Variants in KRT6A observed in about 807,000 individuals in gnomAD.
KRT6A encodes keratin 6A.
In KRT6A, 28 loss-of-function variants were observed where a neutral mutation model predicts 48.6. The ratio of observed to expected loss-of-function variants is 0.58; its 90% CI spans 0.43 to 0.79. The LOEUF (loss-of-function observed/expected upper bound fraction) is 0.79. Ranked by LOEUF, KRT6A falls within the 30% of genes least tolerant of loss-of-function variation. The pLI is 0.00. For missense variants in KRT6A, 687 were observed against 724.3 expected, an observed-to-expected ratio of 0.95 and a Z score of 0.59; for synonymous variants, 301 against 294.2, an observed-to-expected ratio of 1.02 and a Z score of -0.24.
Position 52,489,802 on chromosome 12 carries a change from G to A in KRT6A, c.1203+141C>T, listed in dbSNP as rs994678020. The A allele has an allele frequency of 2.9e-5, 39 of 1,363,006 alleles. No individual in the cohort carries two copies. The African/African-American group carries it at 4.6e-4, about 16-fold the overall frequency. 84.4% of individuals were successfully genotyped at this position (1,363,006 alleles called of 1,614,324 possible). On this transcript the variant is annotated intron_variant, in intron 6 of 8. Transcript: ENST00000330722. The stretch of plus-strand genomic sequence containing the variant: ...AGGATCTATGTCTCCTAAGCAGCAG[G>A]TACCCACTAAGGGTAGGAAATGATA...
rs1432797796 is a variant in KRT6A at position 52,491,181 on chromosome 12, A to G, written c.756-9T>C. On this transcript the variant is annotated splice_polypyrimidine_tract_variant and intron_variant, in intron 2 of 8. Coordinates refer to ENST00000330722, the MANE Select transcript of KRT6A (RefSeq NM_005554.4). ...TGATTTCATCCTCATATCTACAGGA[A>G]GAAAGGCATGGGACACATTTGAGCC... 1 of 1,613,866 alleles carries G rather than the reference A, an allele frequency of 6.2e-7. No homozygotes were observed. The highest frequency in any genetic ancestry group is 8.5e-7 in the Non-Finnish European group (1 of 1,179,870).
In KRT6A at chr12:52,489,961, G is replaced by T. The variant is rs755953809; in HGVS notation, c.1185C>A (p.Ile395=). Residue 395 remains isoleucine (I), a synonymous_variant, in exon 6 of 9, where the codon ATC becomes ATA. Coordinates refer to ENST00000330722, the MANE Select transcript of KRT6A (RefSeq NM_005554.4). ...ACCATACCTGCTTCTTGACGTGGTC[G>T]ATCTCAGATCTCAGCCTCTGGATCA... ...NRMIQRLRSE[I]DHVKKQCANL... 6.2e-7 allele frequency: 1 copy of T among 1,613,828 alleles called. No individual in the cohort carries two copies. Among genetic ancestry groups the T allele is most frequent in the Non-Finnish European group, 8.5e-7 (1 of 1,180,018 alleles).
At chr12:52,491,013 T>G in intron 3 of KRT6A, 60 bp from the exon 4 acceptor site, 1 of 1,613,862 alleles carries the variant, frequency 6.2e-7, no homozygotes, top group Admixed American at 1.7e-5. Context: ...CTACCCATCT[T>G]CTAGTCTCCA....
Position 52,488,298 on chromosome 12 carries a change from C to T in KRT6A, c.1424+30G>A, listed in dbSNP as rs377071203. ...CCAGGAACCTTGAAGATGGACTCAG[C>T]TGTTGAAGGAGTTCGTGTCAGTTAC... On this transcript the variant is annotated intron_variant, in intron 7 of 8. Transcript: ENST00000330722. 8.1e-6 allele frequency: 13 copies of T among 1,614,052 alleles called. No homozygotes were observed. The African/African-American group carries it at 1.2e-4, about 15-fold the overall frequency.
At position 52,487,607 on chromosome 12, in the gene KRT6A, C is replaced by G; in HGVS notation, c.*113G>C. ...CACTAAGCATCCATACCCAGCTCTACCTGGGACAGCAGGGGAGACTGGAGG... is the reference window on the plus strand; with the variant it reads ...CACTAAGCATCCATACCCAGCTCTAGCTGGGACAGCAGGGGAGACTGGAGG... On this transcript the variant is annotated 3_prime_UTR_variant, in exon 9 of 9. Transcript: ENST00000330722. The G allele has an allele frequency of 7.4e-7, 1 of 1,349,114 alleles. No individual in the cohort carries two copies. The highest frequency in any genetic ancestry group is 1.0e-6 in the Non-Finnish European group (1 of 956,778). The allele number at this position is 1,349,114 out of a possible 1,614,324, so 83.6% of individuals were successfully genotyped here.
chr12:52,493,246 A>T lies in KRT6A; in HGVS notation c.-58T>A. The T allele has an allele frequency of 6.2e-7, 1 of 1,612,388 alleles. No homozygotes were observed. On this transcript the variant is annotated 5_prime_UTR_variant, in exon 1 of 9. Coordinates refer to ENST00000330722, the MANE Select transcript of KRT6A (RefSeq NM_005554.4). ...TGAGAGGCTGGAGGAGAGAGGGAAG[A>T]GAAGCAGGACTAGGAATCAGGCTCG...
chr12:52,490,222 C>G, intron 5 of KRT6A, 154 bp from the exon 6 acceptor site: 1 of 1,445,146 alleles, frequency 6.9e-7, no homozygotes, highest in Non-Finnish European at 9.6e-7. Flanking sequence ...TTGGTGGATA[C>G]TAAACACTGG....
chr12:52,488,164 G>A (rs1361421103), intron 7 of KRT6A, 61 bp from the exon 8 acceptor site: 13 of 1,613,940 alleles, frequency 8.1e-6, no homozygotes, highest in Admixed American at 6.7e-5. Context: ...CTGGACCAGC[G>A]TGGGCAGCCT....
chr12:52,490,658 G>A lies in KRT6A; in HGVS notation c.988C>T (p.Leu330=). The A allele has an allele frequency of 6.2e-7, 1 of 1,614,200 alleles. No homozygotes were observed. The highest frequency in any genetic ancestry group is 8.5e-7 in the Non-Finnish European group (1 of 1,180,038). The change falls in exon 5 of 9, where the codon CTG becomes TTG. Residue 330 remains leucine, a synonymous_variant. Transcript: ENST00000330722. ...LSMDNNRNLD[L]DSIIAEVKAQ... ...TTGACCTCAGCGATGATGCTGTCCA[G>A]GTCCAGGTTGCGGTTGTTGTCCATG...
intron 1 of KRT6A, 150 bp downstream of exon 1, chr12:52,492,499 G>A (rs1429849358): frequency 1.0e-4 from 147 of 1,400,594 alleles, no homozygotes; most frequent in East Asian, 2.3e-5. Context: ...CATCCCTGCT[G>A]CTTGCTGGGC....
chr12:52,492,390 C>T (rs894283045), intron 1 of KRT6A, among the ~76,000 whole-genome samples: 1 of 152,222 alleles, frequency 6.6e-6, no homozygotes, highest in Non-Finnish European at 1.5e-5. Context: ...CTACTCCATT[C>T]TCTGATGGCC....
chr12:52,488,356 G>A lies in KRT6A; in HGVS notation c.1396C>T (p.Arg466Cys), dbSNP rs778445643. The A allele has an allele frequency of 1.5e-5, 25 of 1,614,038 alleles. No individual in the cohort carries two copies. Among genetic ancestry groups the A allele is most frequent in the South Asian group, 4.4e-5 (4 of 91,074 alleles). The part of the protein sequence containing the change: ...LALDVEIATY[R>C]KLLEGEECRL... ...CACTCCTCACCCTCCAGCAGCTTGC[G>A]GTAGGTGGCGATCTCCACGTCCAGG... Residue 466 changes from arginine to cysteine, a missense_variant, in exon 7 of 9, where the codon CGC (arginine) becomes TGC (cysteine). This residue lies in a region of KRT6A where 566 missense variants were observed against 565.3 expected (regional missense o/e 1.00). Transcript: ENST00000330722.
rs1317457410 is a variant in KRT6A, at chr12:52,493,257, T to G, written c.-69A>C. On this transcript the variant is annotated 5_prime_UTR_variant, in exon 1 of 9. Coordinates refer to ENST00000330722, the MANE Select transcript of KRT6A (RefSeq NM_005554.4). ...AGGAGAGAGGGAAGAGAAGCAGGAC[T>G]AGGAATCAGGCTCGGGGCAGCAGCT... The G allele has an allele frequency of 1.2e-6, 2 of 1,609,446 alleles. No homozygotes were observed. Among genetic ancestry groups the G allele is most frequent in the African/African-American group, 1.3e-5 (1 of 74,956 alleles).
chr12:52,491,444 C>G, intron 2 of KRT6A, 78 bp downstream of exon 2: 1 of 1,551,558 alleles, frequency 6.4e-7, no homozygotes, highest in South Asian at 1.1e-5. Flanking sequence ...GAATATTACC[C>G]CCTTCTGGCC....
At chr12:52,491,887 C>G in intron 1 of KRT6A, 151 bp from the exon 2 acceptor site, 2 of 1,022,038 alleles carry the variant, frequency 2.0e-6, no homozygotes, top group Non-Finnish European at 3.0e-6. Flanking sequence ...GCTCCCCCAA[C>G]CCCTTCTCCT....
Position 52,487,524 on chromosome 12 carries a change from A to G in KRT6A, c.*196T>C, listed in dbSNP as rs1171123738. ...CATCATGATGTAAAATCAGAGGTTG[A>G]TCTGATGGTGAGCAATGGGTGCTCA... is the stretch of plus-strand genomic sequence containing the variant. On this transcript the variant is annotated 3_prime_UTR_variant, in exon 9 of 9. Transcript: ENST00000330722. The G allele has an allele frequency of 1.4e-5, 9 of 645,262 alleles. No homozygotes were observed. The highest frequency in any genetic ancestry group is 1.9e-5 in the Non-Finnish European group (7 of 368,196). 40.0% of individuals were successfully genotyped at this position (645,262 alleles called of 1,614,324 possible).
rs1451467434 is a variant in KRT6A, at chr12:52,493,063, C to T, written c.126G>A (p.Arg42=). 1.9e-6 allele frequency: 3 copies of T among 1,613,164 alleles called. No homozygotes were observed. Among genetic ancestry groups the T allele is most frequent in the Admixed American group, 1.7e-5 (1 of 60,026 alleles). ...ATGCACCACCCAGGCCACCACTGCC[C>T]CTGGAGCGGGACACGGAGACGCTGC... ...GFSSVSVSRS[R]GSGGLGGACG... The change falls in exon 1 of 9, where the codon AGG becomes AGA. Residue 42 remains arginine (R), a synonymous_variant. Coordinates refer to ENST00000330722, the MANE Select transcript of KRT6A (RefSeq NM_005554.4).
rs867635914 is a variant in KRT6A at position 52,490,890 on chromosome 12, C to T, written c.880G>A (p.Glu294Lys). 1.1e-5 allele frequency: 17 copies of T among 1,613,998 alleles called. No homozygotes were observed. Among genetic ancestry groups the T allele is most frequent in the African/African-American group, 1.3e-5 (1 of 75,030 alleles). Residue 294 changes from glutamate (E) to lysine (K), a missense_variant, in exon 4 of 9, where the codon GAG becomes AAG. This residue lies in a region of KRT6A where 566 missense variants were observed against 565.3 expected (regional missense o/e 1.00). Coordinates refer to ENST00000330722, the MANE Select transcript of KRT6A (RefSeq NM_005554.4). ...LQAKADTLTD[E>K]INFLRALYDA... Reference sequence around the variant, plus strand: ...TACAAGGCTCTCAGGAAGTTGATCTCGTCTGTGAGAGTGTCTGCCTTGGCT... The same window carrying T: ...TACAAGGCTCTCAGGAAGTTGATCTTGTCTGTGAGAGTGTCTGCCTTGGCT...
Position 52,487,700 on chromosome 12 carries a change from C to T in KRT6A, c.*20G>A, listed in dbSNP as rs1053748. 123 of 1,614,102 alleles carry T rather than the reference C, an allele frequency of 7.6e-5. No homozygotes were observed. Among genetic ancestry groups the T allele is most frequent in the East Asian group, 2.7e-4 (12 of 44,874 alleles). On this transcript the variant is annotated 3_prime_UTR_variant, in exon 9 of 9. Transcript: ENST00000330722. ...GAGAGGGGCCTGAGGACTGTGGGACCGAGAGCTAGCAGACGCACTTTAGTG... is the reference window on the plus strand; with the variant it reads ...GAGAGGGGCCTGAGGACTGTGGGACTGAGAGCTAGCAGACGCACTTTAGTG...
Sources: gnomAD v4.1 joint callset for allele counts (sites outside exome capture counted in the v4.1 genomes callset) on GRCh38, gnomAD v4.1.1 for gene constraint, gnomAD v4.1.1 regional missense constraint, MANE v1.5 for transcripts, NCBI Gene and HGNC (gene_info 2026-07-23, HGNC 2026-07-21) for gene names.